The following EFNB1 variants were observed in gnomAD, a reference collection of about 807,000 sequenced individuals.
EFNB1 encodes ephrin B1.
In EFNB1, 1 loss-of-function variant was observed where a neutral mutation model predicts 18.1. That is an observed-to-expected ratio of 0.06 (90% CI 0.02 to 0.26). EFNB1 has a LOEUF of 0.26. Among genes scored for constraint, EFNB1 ranks in the 10% least tolerant of loss-of-function variants. The pLI is 1.00. For synonymous variants in EFNB1, 131 were observed against 127.5 expected, an observed-to-expected ratio of 1.03 and a Z score of -0.19; for missense variants, 221 against 301.8, an observed-to-expected ratio of 0.73 and a Z score of 1.98.
At position 68,838,629 on chromosome X, in the gene EFNB1, G is replaced by T; in HGVS notation, c.141G>T (p.Gly47=). The T allele has an allele frequency of 8.3e-6, 10 of 1,211,891 alleles. No homozygotes were observed. Among genetic ancestry groups the T allele is most frequent in the Non-Finnish European group, 1.1e-5 (10 of 895,557 alleles). The change falls in exon 2 of 5, where the codon GGG becomes GGT. Residue 47 remains glycine, a synonymous_variant. Coordinates refer to ENST00000204961, the MANE Select transcript of EFNB1 (RefSeq NM_004429.5). ...TCCTTCTGGGCAGGTTCCTGAGTGGGAAGGGCTTGGTGATCTATCCGAAAA... is the reference window on the plus strand; with the variant it reads ...TCCTTCTGGGCAGGTTCCTGAGTGGTAAGGGCTTGGTGATCTATCCGAAAA... ...WSSLNPKFLS[G]KGLVIYPKIG...
chrX:68,838,549 C>T, intron 1 of EFNB1, 68 bp from the exon 2 acceptor site: 1 of 1,186,182 alleles, frequency 8.4e-7, no homozygotes, highest in Non-Finnish European at 1.1e-6. Context: ...TTGTCCGCTT[C>T]CCTGGTTCTG....
chrX:68,833,152 C>T (rs1426581141), intron 1 of EFNB1, among the ~76,000 whole-genome samples: 1 of 111,446 alleles, frequency 9.0e-6, no homozygotes, highest in Non-Finnish European at 1.9e-5. Context: ...AGACCCCAAC[C>T]CATGCTTGCC....
chrX:68,831,816 TG>T (rs1285627014), intron 1 of EFNB1, among the ~76,000 whole-genome samples: 1 of 110,389 alleles, frequency 9.1e-6, no homozygotes, highest in Non-Finnish European at 1.9e-5. Flanking sequence ...TTACAGGTTT[TG>T]GGGGGTGGTA....
intron 1 of EFNB1, among the ~76,000 whole-genome samples, chrX:68,834,129 T>C (rs1394451728): frequency 8.9e-6 from 1 of 112,368 alleles, no homozygotes. Flanking sequence ...ACTCAGGCCC[T>C]GTCTGTGTGG....
In EFNB1 at chrX:68,829,851, C is replaced by T; in HGVS notation, c.75C>T (p.Ala25=). 1 of 1,174,169 alleles carries T rather than the reference C, an allele frequency of 8.5e-7. No individual in the cohort carries two copies. Among genetic ancestry groups the T allele is most frequent in the Non-Finnish European group, 1.1e-6 (1 of 876,328 alleles). ...AMVVWALCRL[A]TPLAKNLEPV... is the part of the protein sequence containing the mutation. ...TCGTGTGGGCGCTGTGCCGGCTCGC[C>T]ACACCGCTGGCCAAGAACCTGGAGC... The change falls in exon 1 of 5, where the codon GCC becomes GCT. Residue 25 remains alanine, a synonymous_variant. Coordinates refer to ENST00000204961, the MANE Select transcript of EFNB1 (RefSeq NM_004429.5).
Position 68,838,775 on chromosome X carries a change from A to G in EFNB1, c.287A>G (p.Asn96Ser). The G allele has an allele frequency of 8.3e-7, 1 of 1,210,007 alleles. No homozygotes were observed. Among genetic ancestry groups the G allele is most frequent in the Non-Finnish European group, 1.1e-6 (1 of 894,674 alleles). The change falls in exon 2 of 5, where the codon AAC (asparagine) becomes AGC (serine). Residue 96 changes from asparagine to serine, a missense_variant. Physicochemically the swap from Asn to Ser is conservative, Grantham distance 46. Transcript: ENST00000204961. ...GCCTGTAGCACAGTTCTCGACCCCA[A>G]CGTGTTGGTCACCTGCAATAGGCCA... ...AAACSTVLDP[N>S]VLVTCNRPEQ...
intron 2 of EFNB1, 60 bp downstream of exon 2, chrX:68,838,954 G>A (rs1057214451): frequency 5.6e-5 from 64 of 1,148,300 alleles, no homozygotes; most frequent in Non-Finnish European, 6.8e-5. Context: ...TTCCTCTCCT[G>A]TAGTAGTGGG....
At chrX:68,836,316 G>A (rs528076206) in intron 1 of EFNB1, among the ~76,000 whole-genome samples, 1 of 111,797 alleles carries the variant, frequency 8.9e-6, no homozygotes, top group African/African-American at 3.3e-5. Flanking sequence ...GGCTTTGTAT[G>A]GTGCATGGGA....
Position 68,829,873 on chromosome X carries a change from G to C in EFNB1, c.97G>C (p.Glu33Gln). The part of the protein sequence containing the change: ...RLATPLAKNL[E>Q]PVSWSSLNPK... ...CGCCACACCGCTGGCCAAGAACCTG[G>C]AGCCCGTATCCTGGAGCTCCCTCAA... Residue 33 changes from glutamate (E) to glutamine (Q), a missense_variant, in exon 1 of 5, where the codon GAG becomes CAG. Coordinates refer to ENST00000204961, the MANE Select transcript of EFNB1 (RefSeq NM_004429.5). 3 of 1,170,676 alleles carry C rather than the reference G, an allele frequency of 2.6e-6. No individual in the cohort carries two copies. The highest frequency in any genetic ancestry group is 1.1e-6 in the Non-Finnish European group (1 of 874,331).
rs747725805 is a variant in EFNB1 at position 68,838,568 on chromosome X, TG to T, written c.129-45del. 6.6e-6 allele frequency: 8 copies of T among 1,204,948 alleles called. No individual in the cohort carries two copies. In the Admixed American group the frequency reaches 1.3e-4, roughly 20 times the overall value. On this transcript the variant is annotated intron_variant, in intron 1 of 4. Transcript: ENST00000204961. ...CCGCTTCCCTGGTTCTGGAATGGCCTGGGGCCACCCCCAACCCTGAGGCTGA... is the reference window on the plus strand; with the variant it reads ...CCGCTTCCCTGGTTCTGGAATGGCCTGGGCCACCCCCAACCCTGAGGCTGA...
intron 1 of EFNB1, among the ~76,000 whole-genome samples, chrX:68,834,193 G>A (rs2080454572): frequency 8.9e-6 from 1 of 112,291 alleles, no homozygotes; most frequent in Non-Finnish European, 1.9e-5. Context: ...ACCTTCCAGG[G>A]CTGACTGCTT....
Position 68,838,887 on chromosome X carries a change from C to T in EFNB1, c.399C>T (p.Tyr133=), listed in dbSNP as rs775791339. The T allele has an allele frequency of 1.2e-5, 14 of 1,197,820 alleles. No individual in the cohort carries two copies. Among genetic ancestry groups the T allele is most frequent in the Admixed American group, 4.5e-5 (2 of 44,448 alleles). The change falls in exon 2 of 5, where the codon TAC becomes TAT. Residue 133 remains tyrosine (Y), a synonymous_variant. Transcript: ENST00000204961. ...AGTTCAAGAAGCACCATGATTACTACATTACCTGTGAGTCCCGCCCATCCC... is the reference window on the plus strand; with the variant it reads ...AGTTCAAGAAGCACCATGATTACTATATTACCTGTGAGTCCCGCCCATCCC... ...GLEFKKHHDY[Y]ITSTSNGSLE...
At chrX:68,835,839 C>T (rs1326127109) in intron 1 of EFNB1, among the ~76,000 whole-genome samples, 2 of 111,714 alleles carry the variant, frequency 1.8e-5, no homozygotes, top group Non-Finnish European at 3.8e-5. Flanking sequence ...TCCTCAATGC[C>T]TCTGGCTTCA....
rs771693614 is a variant in EFNB1, at chrX:68,838,903, C to T, written c.406+9C>T. 20 of 1,192,007 alleles carry T rather than the reference C, an allele frequency of 1.7e-5. No homozygotes were observed. In the South Asian group the frequency reaches 2.2e-4, roughly 13 times the overall value. ...TGATTACTACATTACCTGTGAGTCC[C>T]GCCCATCCCATCCTCTGGCTCTCTC... On this transcript the variant is annotated intron_variant, in intron 2 of 4. Transcript: ENST00000204961.
At chrX:68,839,896 G>A (rs2076027243) in intron 3 of EFNB1, 64 bp from the exon 4 acceptor site, 2 of 1,206,043 alleles carry the variant, frequency 1.7e-6, no homozygotes, top group Admixed American at 4.4e-5. Flanking sequence ...GCCCACCCTT[G>A]ATGACTGAGG....
chrX:68,841,132 C>T lies in EFNB1; in HGVS notation c.*478C>T, dbSNP rs1203803155. 1.4e-5 allele frequency: 2 copies of T among 145,637 alleles called. No homozygotes were observed. Among genetic ancestry groups the T allele is most frequent in the Non-Finnish European group, 2.7e-5 (2 of 74,022 alleles). The allele number at this position is 145,637 out of a possible 1,213,427, so 12.0% of individuals were successfully genotyped here. A position where few individuals can be genotyped will look rare whatever the true frequency, so the allele number is the denominator to read the frequency against. On this transcript the variant is annotated 3_prime_UTR_variant, in exon 5 of 5. Coordinates refer to ENST00000204961, the MANE Select transcript of EFNB1 (RefSeq NM_004429.5). ...CCTCCCCAGGCTTTGTGAGCCTGGC[C>T]CAAGCCAGTACAAGAGGGCCTGGGG...
rs2080477846 is a variant in EFNB1, at chrX:68,841,276, C to T, written c.*622C>T. 8.8e-6 allele frequency: 1 copy of T among 113,361 alleles called. No homozygotes were observed. The highest frequency in any genetic ancestry group is 3.3e-5 in the African/African-American group (1 of 30,323). 9.3% of individuals were successfully genotyped at this position (113,361 alleles called of 1,213,427 possible). On this transcript the variant is annotated 3_prime_UTR_variant, in exon 5 of 5. Transcript: ENST00000204961. ...CGCCCATGAGGGAAGAGGAAAGTGC[C>T]ACTGGGCAAGGTGTCCCACCCTCCC...
chrX:68,829,552 G>T lies in EFNB1; in HGVS notation c.-225G>T. 1 of 501,078 alleles carries T rather than the reference G, an allele frequency of 2.0e-6. No individual in the cohort carries two copies. Among genetic ancestry groups the T allele is most frequent in the Non-Finnish European group, 3.2e-6 (1 of 308,434 alleles). 41.3% of individuals were successfully genotyped at this position (501,078 alleles called of 1,213,427 possible). On this transcript the variant is annotated 5_prime_UTR_variant, in exon 1 of 5. Coordinates refer to ENST00000204961, the MANE Select transcript of EFNB1 (RefSeq NM_004429.5). ...AGCCCAGGAGAACGAGCCCTCGGGG[G>T]CCGAAGCCCATGCCCGGGTTGGGGG...
At position 68,840,820 on chromosome X, in the gene EFNB1, G is replaced by A. The variant is rs1193979301; in HGVS notation, c.*166G>A. 1.7e-6 allele frequency: 1 copy of A among 590,493 alleles called. No homozygotes were observed. Among genetic ancestry groups the A allele is most frequent in the South Asian group, 2.8e-5 (1 of 35,577 alleles). The allele number at this position is 590,493 out of a possible 1,213,427, so 48.7% of individuals were successfully genotyped here. ...TTTTCCCTGCCCCCTGGGCTTCGGAGGGGGGTGCTTGTGCCCCTAACCCCC... is the reference window on the plus strand; with the variant it reads ...TTTTCCCTGCCCCCTGGGCTTCGGAAGGGGGTGCTTGTGCCCCTAACCCCC... On this transcript the variant is annotated 3_prime_UTR_variant, in exon 5 of 5. Transcript: ENST00000204961.
Sources: allele counts gnomAD v4.1 joint callset (sites outside exome capture counted in the v4.1 genomes callset), GRCh38; gene constraint gnomAD v4.1.1; transcripts MANE v1.5; gene names NCBI Gene and HGNC (gene_info 2026-07-23, HGNC 2026-07-21).